Variants in KCNAB1 observed in about 807,000 individuals in gnomAD.
The protein encoded by KCNAB1 is voltage-gated potassium channel subunit beta-1.
KCNAB1 carries 35 observed loss-of-function variants against 64.6 expected under a neutral mutation model. The ratio of observed to expected loss-of-function variants is 0.54; its 90% CI spans 0.41 to 0.72. The LOEUF is 0.72. Among genes scored for constraint, KCNAB1 ranks in the 30% least tolerant of loss-of-function variants. The pLI, the probability that KCNAB1 is intolerant of heterozygous loss-of-function variation, is 0.00. For missense variants in KCNAB1, 401 were observed against 512.9 expected (o/e 0.78, Z 2.11); for synonymous variants, 177 against 183.8 (o/e 0.96, Z 0.30).
At chr3:156,143,075 G>A in intron 1 of KCNAB1, 1 of 1,444,362 alleles carries the variant, frequency 6.9e-7, no homozygotes, top group Non-Finnish European at 9.1e-7. Flanking sequence ...AACCTTTTGA[G>A]GGACATACTG....
At chr3:156,189,967 C>G (rs377589975) in intron 1 of KCNAB1, among the ~76,000 whole-genome samples, 1 of 152,140 alleles carries the variant, frequency 6.6e-6, no homozygotes, top group Admixed American at 6.5e-5. Flanking sequence ...AATGTTTGGC[C>G]AAATATTAAA....
At chr3:156,195,077 T>G (rs150373496) in intron 1 of KCNAB1, among the ~76,000 whole-genome samples, 1 of 152,302 alleles carries the variant, frequency 6.6e-6, no homozygotes, top group African/African-American at 2.4e-5. Flanking sequence ...AGAATGATGG[T>G]TTCCAGCTTC....
intron 1 of KCNAB1, among the ~76,000 whole-genome samples, chr3:156,278,794 G>C (rs1719507216): frequency 6.6e-6 from 1 of 151,838 alleles, no homozygotes; most frequent in Non-Finnish European, 1.5e-5. Context: ...AAGTCTCAGA[G>C]ACAAAAGTTC....
intron 1 of KCNAB1, among the ~76,000 whole-genome samples, chr3:156,336,328 C>T (rs1404587326): frequency 2.6e-5 from 4 of 152,214 alleles, no homozygotes; most frequent in African/African-American, 9.6e-5. Context: ...TACCACTGCA[C>T]TCCAGCCTGG....
At chr3:156,152,146 A>G (rs1001310388) in intron 1 of KCNAB1, among the ~76,000 whole-genome samples, 3 of 152,202 alleles carry the variant, frequency 2.0e-5, no homozygotes, top group Non-Finnish European at 4.4e-5. Context: ...CCCAAAGCTG[A>G]GGGATCTCAT....
At chr3:156,532,014 G>T (rs75000640) in intron 13 of KCNAB1, among the ~76,000 whole-genome samples, 2 of 3,876 alleles carry the variant, frequency 5.2e-4, no homozygotes, top group Admixed American at 5.7e-3. Context: ...GCTTTTCCAC[G>T]GTTTTCCAGT....
At chr3:156,514,976 G>A in intron 9 of KCNAB1, 124 bp from the exon 10 acceptor site, 1 of 894,142 alleles carries the variant, frequency 1.1e-6, no homozygotes, top group East Asian at 2.9e-5. Context: ...TTATTATTTG[G>A]CATCCTACAT....
chr3:156,264,703 CACAT>C (rs1308829453), intron 1 of KCNAB1, among the ~76,000 whole-genome samples: 2 of 152,160 alleles, frequency 1.3e-5, no homozygotes, highest in East Asian at 3.9e-4. Flanking sequence ...TATATATACA[CACAT>C]ACATACACAT....
intron 1 of KCNAB1, among the ~76,000 whole-genome samples, chr3:156,327,441 T>C (rs1303463288): frequency 6.6e-6 from 1 of 152,182 alleles, no homozygotes; most frequent in African/African-American, 2.4e-5. Context: ...AGCATCATAC[T>C]TTGAGAAATA....
intron 1 of KCNAB1, among the ~76,000 whole-genome samples, chr3:156,162,721 G>A (rs4611771): frequency 0.63 from 95,928 of 151,828 alleles, 30,854 homozygotes; most frequent in East Asian, 0.93. Context: ...TGGTTTAAAA[G>A]AAAACAAAAC....
chr3:156,342,585 C>CTTTTTTT (rs60982892), intron 1 of KCNAB1, among the ~76,000 whole-genome samples: 1 of 86,250 alleles, frequency 1.2e-5, no homozygotes, highest in Non-Finnish European at 2.5e-5. Flanking sequence ...CTATGTGTTT[C>CTTTTTTT]TTTTTTTTTT....
chr3:156,448,929 CGAAT>C (rs1489707198), intron 2 of KCNAB1, among the ~76,000 whole-genome samples: 1 of 151,956 alleles, frequency 6.6e-6, no homozygotes, highest in Non-Finnish European at 1.5e-5. Context: ...GATGCAAAGA[CGAAT>C]GAAATAAAAG....
rs149042332 is a variant in KCNAB1, at chr3:156,361,281, G to A, written c.276-60335G>A. Among the ~76,000 whole-genome samples, 55 of 152,048 alleles carry A rather than the reference G, an allele frequency of 3.6e-4. 1 individual carries two copies. The highest frequency in any genetic ancestry group is 1.3e-3 in the African/African-American group (52 of 41,472). ...TTCCTTCTCTTCCCTAGCCATCCAC[G>A]TGGCTGTCTGTTCCCCAGTTTCAGG... On this transcript the variant is annotated intron_variant, in intron 1 of 13. Transcript: ENST00000490337.
At chr3:156,320,341 T>C (rs796506354) in intron 1 of KCNAB1, among the ~76,000 whole-genome samples, 8 of 152,222 alleles carry the variant, frequency 5.3e-5, no homozygotes, top group Admixed American at 4.6e-4. Context: ...AGAATCTACA[T>C]AATCCTACAC....
intron 1 of KCNAB1, among the ~76,000 whole-genome samples, chr3:156,320,797 C>G (rs1300083396): frequency 6.6e-6 from 1 of 152,198 alleles, no homozygotes; most frequent in Non-Finnish European, 1.5e-5. Flanking sequence ...GTGTCCACAT[C>G]TGCCTCCTGC....
intron 1 of KCNAB1, among the ~76,000 whole-genome samples, chr3:156,219,563 A>G (rs1017452371): frequency 2.0e-5 from 3 of 152,122 alleles, no homozygotes; most frequent in Non-Finnish European, 4.4e-5. Context: ...AAAACTTTCC[A>G]GCCTTGCTAG....
intron 1 of KCNAB1, among the ~76,000 whole-genome samples, chr3:156,293,767 CTG>C (rs1720606650): frequency 6.6e-6 from 1 of 152,222 alleles, no homozygotes; most frequent in Non-Finnish European, 1.5e-5. Context: ...CTAAATGAGA[CTG>C]TAGTCTTGAG....
intron 1 of KCNAB1, among the ~76,000 whole-genome samples, chr3:156,405,126 T>A (rs1001214399): frequency 1.3e-5 from 2 of 152,176 alleles, no homozygotes; most frequent in Non-Finnish European, 2.9e-5. Context: ...GGTTAGAAGC[T>A]CCCTCTACCT....
intron 8 of KCNAB1, among the ~76,000 whole-genome samples, chr3:156,491,476 A>G (rs1715624409): frequency 6.6e-6 from 1 of 152,130 alleles, no homozygotes; most frequent in African/African-American, 2.4e-5. Flanking sequence ...GGTAACATGA[A>G]AATATATGGG....
Sources: allele counts gnomAD v4.1 joint callset (sites outside exome capture counted in the v4.1 genomes callset), GRCh38; gene constraint gnomAD v4.1.1; transcripts MANE v1.5; gene names NCBI Gene and HGNC (gene_info 2026-07-23, HGNC 2026-07-21).